MDGA2: variants seen among roughly 807,000 people sequenced by gnomAD.
MDGA2 encodes the protein MAM domain-containing glycosylphosphatidylinositol anchor protein 2.
MDGA2 carries 40 observed loss-of-function variants against 117.8 expected under a neutral mutation model. That is an observed-to-expected ratio of 0.34 (90% CI 0.26 to 0.44). The LOEUF is 0.44. Ranked by LOEUF, MDGA2 falls within the 20% of genes least tolerant of loss-of-function variation. The pLI is 1.00. For synonymous variants in MDGA2, 452 were observed against 439.0 expected, an observed-to-expected ratio of 1.03 and a Z score of -0.37; for missense variants, 1,123 against 1,250.6, an observed-to-expected ratio of 0.90 and a Z score of 1.54.
intron 1 of MDGA2, among the ~76,000 whole-genome samples, chr14:47,482,307 A>C (rs912879748): frequency 6.6e-6 from 1 of 152,082 alleles, no homozygotes; most frequent in Non-Finnish European, 1.5e-5. Flanking sequence ...AATTAATTAC[A>C]AAGTTTCTGC....
intron 7 of MDGA2, chr14:47,059,058 T>C (rs1340028238): frequency 9.9e-7 from 1 of 1,012,260 alleles, no homozygotes; most frequent in Non-Finnish European, 1.2e-6. Flanking sequence ...TTTAAGTCAG[T>C]AGGGAATTAC....
intron 1 of MDGA2, among the ~76,000 whole-genome samples, chr14:47,370,562 T>G (rs1403002941): frequency 5.9e-5 from 8 of 135,306 alleles, no homozygotes; most frequent in Non-Finnish European, 1.1e-4. Context: ...AAAGAGAAAT[T>G]TAGAAAGTTA....
chr14:46,926,260 G>C (rs545016790), intron 9 of MDGA2, among the ~76,000 whole-genome samples: 17 of 152,038 alleles, frequency 1.1e-4, no homozygotes, highest in African/African-American at 3.6e-4. Flanking sequence ...AATTGGATAG[G>C]AACCAAATAA....
chr14:47,664,802 T>C (rs1346487786), intron 1 of MDGA2, among the ~76,000 whole-genome samples: 2 of 152,230 alleles, frequency 1.3e-5, no homozygotes, highest in Admixed American at 6.5e-5. Context: ...TTTTTAGCAC[T>C]CTAAAAATTT....
chr14:47,118,033 C>G (rs1313155116), intron 5 of MDGA2, among the ~76,000 whole-genome samples: 1 of 152,084 alleles, frequency 6.6e-6, no homozygotes, highest in Non-Finnish European at 1.5e-5. Flanking sequence ...AATTACAAAG[C>G]CATAAAAAAG....
intron 1 of MDGA2, among the ~76,000 whole-genome samples, chr14:47,605,702 T>C (rs1424590731): frequency 6.6e-6 from 1 of 152,218 alleles, no homozygotes; most frequent in Non-Finnish European, 1.5e-5. Context: ...TGAAGGACGT[T>C]TGTGGAATAC....
At chr14:47,113,521 C>A (rs1353112896) in intron 5 of MDGA2, among the ~76,000 whole-genome samples, 1 of 152,178 alleles carries the variant, frequency 6.6e-6, no homozygotes, top group Non-Finnish European at 1.5e-5. Context: ...CAATAAAATA[C>A]TGGCAAACTG....
Position 47,542,734 on chromosome 14 carries a change from A to T in MDGA2, c.280+131783T>A, listed in dbSNP as rs185087268. The stretch of plus-strand genomic sequence containing the variant: ...AAATAAACCAGTTAAATCAGATTTT[A>T]AAAAAATTTTGACAAAACAATTCTA... On this transcript the variant is annotated intron_variant, in intron 1 of 16. Transcript: ENST00000399232. Among the ~76,000 whole-genome samples, 1,030 of 152,328 alleles carry T rather than the reference A, an allele frequency of 6.8e-3. 12 individuals carry two copies. The highest frequency in any genetic ancestry group is 0.023 in the African/African-American group (951 of 41,572).
At chr14:46,874,228 A>G (rs746186299) in intron 12 of MDGA2, 28 bp from the exon 13 acceptor site, 5 of 1,087,712 alleles carry the variant, frequency 4.6e-6, no homozygotes, top group Non-Finnish European at 6.1e-6. Context: ...TTAAATTAAT[A>G]TTAATTAAAT....
chr14:47,063,256 A>G (rs913847598), intron 6 of MDGA2, among the ~76,000 whole-genome samples: 5 of 152,078 alleles, frequency 3.3e-5, no homozygotes, highest in Non-Finnish European at 7.4e-5. Context: ...TGAGAAGACA[A>G]ATACTTAAAT....
intron 7 of MDGA2, among the ~76,000 whole-genome samples, chr14:47,038,089 C>T (rs1318919788): frequency 6.6e-6 from 1 of 152,058 alleles, no homozygotes; most frequent in East Asian, 1.9e-4. Context: ...ACCACCACAC[C>T]CAGCTAATTT....
At chr14:47,071,431 ATATGT>A (rs1338311085) in intron 6 of MDGA2, among the ~76,000 whole-genome samples, 3 of 152,164 alleles carry the variant, frequency 2.0e-5, no homozygotes, top group Admixed American at 2.0e-4. Flanking sequence ...ATATGCTATA[ATATGT>A]TATATGTATT....
At chr14:47,430,685 T>A (rs1329939424) in intron 1 of MDGA2, among the ~76,000 whole-genome samples, 1 of 152,088 alleles carries the variant, frequency 6.6e-6, no homozygotes, top group Non-Finnish European at 1.5e-5. Context: ...ACATATAAGA[T>A]CCTATATCAA....
intron 6 of MDGA2, among the ~76,000 whole-genome samples, chr14:47,073,016 C>T (rs1266475343): frequency 6.6e-6 from 1 of 152,100 alleles, no homozygotes; most frequent in Non-Finnish European, 1.5e-5. Flanking sequence ...ACTTCCTTTC[C>T]ACATGGCCAA....
rs189250266 is a variant in MDGA2, at chr14:47,513,784, C to G, written c.280+160733G>C. 1.1e-4 allele frequency among the ~76,000 whole-genome samples: 16 copies of G among 152,178 alleles called. No homozygotes were observed. In the East Asian group the frequency reaches 2.7e-3, roughly 26 times the overall value. On this transcript the variant is annotated intron_variant, in intron 1 of 16. Coordinates refer to ENST00000399232, the MANE Select transcript of MDGA2 (RefSeq NM_001113498.3). The stretch of plus-strand genomic sequence containing the variant: ...GTTAAAAATTAATTGACCTCTGTTT[C>G]TAATGCTGTAAAAATTAATATTAAA...
intron 9 of MDGA2, among the ~76,000 whole-genome samples, chr14:46,937,647 A>G (rs1884832305): frequency 1.3e-5 from 2 of 152,130 alleles, no homozygotes. Flanking sequence ...AAATTAATTG[A>G]CATTTCCACA....
At chr14:47,151,120 G>A (rs186989208) in intron 3 of MDGA2, among the ~76,000 whole-genome samples, 106 of 152,216 alleles carry the variant, frequency 7.0e-4, no homozygotes, top group Non-Finnish European at 1.2e-3. Flanking sequence ...AAGTTTGTTG[G>A]AGAGTGCCCT....
intron 8 of MDGA2, among the ~76,000 whole-genome samples, chr14:46,985,509 G>A (rs1212208126): frequency 6.6e-6 from 1 of 152,018 alleles, no homozygotes; most frequent in East Asian, 1.9e-4. Flanking sequence ...TTTTGTGGGG[G>A]CATACTTATT....
intron 8 of MDGA2, among the ~76,000 whole-genome samples, chr14:46,979,070 T>C (rs941223995): frequency 3.3e-5 from 5 of 152,184 alleles, no homozygotes; most frequent in Non-Finnish European, 7.4e-5. Context: ...AACAGCATAG[T>C]ACTCACTTTG....
Sources: gnomAD v4.1 joint callset for allele counts (sites outside exome capture counted in the v4.1 genomes callset) on GRCh38, gnomAD v4.1.1 for gene constraint, MANE v1.5 for transcripts, NCBI Gene and HGNC (gene_info 2026-07-23, HGNC 2026-07-21) for gene names.